ARHGAP29: variants seen among roughly 807,000 people sequenced by gnomAD.
ARHGAP29 encodes Rho GTPase activating protein 29, also known as rho GTPase-activating protein 29.
A neutral mutation model predicts 122.6 loss-of-function variants in ARHGAP29; 43 were observed. The ratio of observed to expected loss-of-function variants is 0.35; its 90% CI spans 0.27 to 0.45. The LOEUF (loss-of-function observed/expected upper bound fraction) is 0.45. ARHGAP29 is among the 20% of genes least tolerant of loss of function. The pLI, the probability that ARHGAP29 is intolerant of heterozygous loss-of-function variation, is 1.00. For synonymous variants in ARHGAP29, 506 were observed against 497.1 expected (o/e 1.02, Z -0.24); for missense variants, 1,303 against 1,477.2 (o/e 0.88, Z 1.93).
At chr1:94,183,330 A>T (rs1170864640) in intron 19 of ARHGAP29, among the ~76,000 whole-genome samples, 1 of 152,210 alleles carries the variant, frequency 6.6e-6, no homozygotes, top group Non-Finnish European at 1.5e-5. Flanking sequence ...AATAGCAGCT[A>T]AGCTTGGCTC....
chr1:94,217,864 A>C (rs1373657891), intron 3 of ARHGAP29, among the ~76,000 whole-genome samples: 10 of 120,474 alleles, frequency 8.3e-5, no homozygotes, highest in African/African-American at 2.9e-4. Flanking sequence ...AAAAAACAAA[A>C]AAAAAAAAAC....
intron 12 of ARHGAP29, chr1:94,196,032 G>A (rs1432753075): frequency 6.6e-6 from 1 of 152,066 alleles, no homozygotes; most frequent in African/African-American, 2.4e-5. Context: ...CAATATGTTG[G>A]AGACTTCAAA....
At chr1:94,213,522 T>C (rs1223721780) in intron 3 of ARHGAP29, among the ~76,000 whole-genome samples, 2 of 152,302 alleles carry the variant, frequency 1.3e-5, no homozygotes, top group African/African-American at 2.4e-5. Context: ...GTAAATATTT[T>C]ACACTTTTCA....
chr1:94,199,100 G>C (rs1650663393), intron 12 of ARHGAP29, among the ~76,000 whole-genome samples: 1 of 152,078 alleles, frequency 6.6e-6, no homozygotes, highest in South Asian at 2.1e-4. Flanking sequence ...GGGGGGCTGG[G>C]CACTGGGGGA....
At chr1:94,190,291 C>T (rs1650058112) in intron 12 of ARHGAP29, 3 of 453,476 alleles carry the variant, frequency 6.6e-6, no homozygotes, top group Non-Finnish European at 1.1e-5. Context: ...TAGGAGCAAT[C>T]ATTTCCAGCA....
chr1:94,266,945 A>G (rs768975844), intron 1 of ARHGAP29, among the ~76,000 whole-genome samples: 21 of 152,218 alleles, frequency 1.4e-4, no homozygotes, highest in Non-Finnish European at 2.4e-4. Context: ...AGGTGAAGTG[A>G]CTTACTTGCC....
At chr1:94,272,496 G>A (rs1488569273) in intron 1 of ARHGAP29, among the ~76,000 whole-genome samples, 1 of 152,140 alleles carries the variant, frequency 6.6e-6, no homozygotes, top group Non-Finnish European at 1.5e-5. Context: ...TCCAGCTGCT[G>A]CATCTTTGAA....
At chr1:94,177,759 AACAT>A (rs778903012) in intron 21 of ARHGAP29, 39 bp from the exon 22 acceptor site, 34 of 1,584,614 alleles carry the variant, frequency 2.1e-5, no homozygotes, top group Non-Finnish European at 2.7e-5. Context: ...GAAGAAGTAA[AACAT>A]AACCTCAAAA....
chr1:94,205,259 A>G, intron 6 of ARHGAP29, 61 bp from the exon 7 acceptor site: 2 of 1,309,736 alleles, frequency 1.5e-6, no homozygotes, highest in Non-Finnish European at 1.0e-6. Flanking sequence ...AACTCCAAAC[A>G]AAGAAGCACT....
chr1:94,292,664 T>A, the ARHGAP29 span, among the ~76,000 whole-genome samples: 3 of 152,346 alleles, frequency 2.0e-5, no homozygotes, highest in East Asian at 5.8e-4. Context: ...TTGTTGATGT[T>A]GATGCTGTTC....
At chr1:94,202,787 T>C (rs2101508617) in intron 10 of ARHGAP29, 55 bp from the exon 11 acceptor site, 3 of 1,578,812 alleles carry the variant, frequency 1.9e-6, no homozygotes, top group Non-Finnish European at 1.7e-6. Context: ...ACTGAACAAG[T>C]GTCTTTAGCA....
chr1:94,187,438 T>C (rs912694042), intron 15 of ARHGAP29, among the ~76,000 whole-genome samples: 1 of 152,210 alleles, frequency 6.6e-6, no homozygotes. Flanking sequence ...ATCACAAGGT[T>C]GTATTACTCC....
rs1449544377 is a variant in ARHGAP29, at chr1:94,186,739, GT to G, written c.1682-143del. The G allele has an allele frequency of 9.9e-6, 6 of 603,514 alleles. No individual in the cohort carries two copies. In the African/African-American group the frequency reaches 1.1e-4, roughly 11 times the overall value. 37.4% of individuals were successfully genotyped at this position (603,514 alleles called of 1,614,324 possible). A position where few individuals can be genotyped will look rare whatever the true frequency, so the allele number is the denominator to read the frequency against. On this transcript the variant is annotated intron_variant, in intron 15 of 22. Transcript: ENST00000260526. ...ATTTGCTTCTATTCTCATACTCTGG[GT>G]AACAGGGAATTTTGATACTCATTCC... is the stretch of plus-strand genomic sequence containing the variant.
chr1:94,215,418 G>A (rs971610208), intron 3 of ARHGAP29, among the ~76,000 whole-genome samples: 1 of 151,410 alleles, frequency 6.6e-6, no homozygotes, highest in Non-Finnish European at 1.5e-5. Flanking sequence ...ATCCCTACCA[G>A]ATACTAAAAT....
At chr1:94,242,709 T>G (rs1025972767) in intron 1 of ARHGAP29, among the ~76,000 whole-genome samples, 1 of 148,520 alleles carries the variant, frequency 6.7e-6, no homozygotes, top group African/African-American at 2.5e-5. Flanking sequence ...TTAAACCCAA[T>G]CATACCAATA....
chr1:94,300,284 G>A, the ARHGAP29 span, among the ~76,000 whole-genome samples: 2 of 152,192 alleles, frequency 1.3e-5, no homozygotes, highest in East Asian at 3.9e-4. Flanking sequence ...CTGGGCAACA[G>A]GCAGTGAGGT....
intron 3 of ARHGAP29, among the ~76,000 whole-genome samples, chr1:94,212,104 C>A (rs1029818974): frequency 6.6e-6 from 1 of 152,122 alleles, no homozygotes; most frequent in East Asian, 1.9e-4. Flanking sequence ...CATGGCAAAA[C>A]CCCGTCTCTA....
Position 94,202,997 on chromosome 1 carries a change from G to C in ARHGAP29, c.875C>G (p.Pro292Arg), listed in dbSNP as rs1166048945. Residue 292 changes from proline to arginine, a missense_variant and splice_region_variant, in exon 10 of 23, where the codon CCT becomes CGT. Transcript: ENST00000260526. ...CATTTCATTTTTCCTTCCAAGTAGA[G>C]GCTGTGAAAGGTATTTAAAATGGAA... ...AALQANKFVQ[P>R]LLGRKNEMEK... The C allele has an allele frequency of 6.2e-7, 1 of 1,604,560 alleles. No homozygotes were observed. Among genetic ancestry groups the C allele is most frequent in the Non-Finnish European group, 8.5e-7 (1 of 1,177,654 alleles).
chr1:94,286,253 C>T, the ARHGAP29 span, among the ~76,000 whole-genome samples: 3 of 152,232 alleles, frequency 2.0e-5, no homozygotes, highest in East Asian at 3.9e-4. Flanking sequence ...ACTCTTATTA[C>T]CTCATTTAAC....
Sources: gnomAD v4.1 joint callset for allele counts (sites outside exome capture counted in the v4.1 genomes callset) on GRCh38, gnomAD v4.1.1 for gene constraint, MANE v1.5 for transcripts, NCBI Gene and HGNC (gene_info 2026-07-23, HGNC 2026-07-21) for gene names.